The following HSD17B12 variants were observed in gnomAD, a reference collection of about 807,000 sequenced individuals.
HSD17B12 encodes the protein hydroxysteroid 17-beta dehydrogenase 12.
HSD17B12 carries 32 observed loss-of-function variants against 39.3 expected under a neutral mutation model. The observed-to-expected ratio is 0.81, with a 90% CI of 0.61 to 1.09. HSD17B12 has a LOEUF of 1.09. Among genes scored for constraint, HSD17B12 ranks in the 50% least tolerant of loss-of-function variants. HSD17B12 has a pLI of 0.00. For synonymous variants in HSD17B12, 150 were observed against 146.7 expected, an observed-to-expected ratio of 1.02 and a Z score of -0.16; for missense variants, 342 against 382.9, an observed-to-expected ratio of 0.89 and a Z score of 0.89.
the HSD17B12 span, among the ~76,000 whole-genome samples, chr11:43,619,669 G>A: frequency 2.0e-5 from 3 of 152,058 alleles, no homozygotes; most frequent in African/African-American, 7.2e-5. Flanking sequence ...TGGGATTACA[G>A]GTGTGAGCCA....
At chr11:43,589,614 G>C in the HSD17B12 span, among the ~76,000 whole-genome samples, 1 of 151,838 alleles carries the variant, frequency 6.6e-6, no homozygotes, top group East Asian at 1.9e-4. Context: ...CTTCCACTTG[G>C]TGACTTTTCC....
At chr11:43,667,026 C>T in the HSD17B12 span, among the ~76,000 whole-genome samples, 1 of 152,224 alleles carries the variant, frequency 6.6e-6, no homozygotes, top group African/African-American at 2.4e-5. Flanking sequence ...GCAACAAAGC[C>T]ACAGCTTCCA....
chr11:43,792,066 G>A (rs577469265), intron 3 of HSD17B12, among the ~76,000 whole-genome samples: 1 of 152,190 alleles, frequency 6.6e-6, no homozygotes, highest in East Asian at 1.9e-4. Flanking sequence ...TTCCCTTCTG[G>A]TACACAATCA....
At chr11:43,678,195 A>AC (rs1565044020), upstream of HSD17B12, among the ~76,000 whole-genome samples, 1 of 151,950 alleles carries the variant, frequency 6.6e-6, no homozygotes, top group Non-Finnish European at 1.5e-5. Flanking sequence ...GATGATGAGC[A>AC]TTTTTTCATG....
the HSD17B12 span, among the ~76,000 whole-genome samples, chr11:43,653,162 C>T: frequency 6.6e-6 from 1 of 152,066 alleles, no homozygotes; most frequent in Non-Finnish European, 1.5e-5. Flanking sequence ...AGGTCTAAAG[C>T]ATCCCAACAT....
At position 43,742,134 on chromosome 11, in the gene HSD17B12, TATATA is replaced by T. The variant is rs1334592500; in HGVS notation, c.161-8776_161-8772del. ...GGAAATATATATATATATATATATA[TATATA>T]TTTTTTTTTTTAAATTGAGACAGGA... On this transcript the variant is annotated intron_variant, in intron 1 of 10. Coordinates refer to ENST00000278353, the MANE Select transcript of HSD17B12 (RefSeq NM_016142.3). Among the ~76,000 whole-genome samples the T allele has an allele frequency of 7.5e-3, 866 of 115,496 alleles. 21 individuals are homozygous for T. The highest frequency in any genetic ancestry group is 0.026 in the African/African-American group (796 of 30,178). 75.8% of individuals were successfully genotyped at this position (115,496 alleles called of 152,430 possible).
the HSD17B12 span, among the ~76,000 whole-genome samples, chr11:43,557,866 C>T: frequency 5.3e-5 from 8 of 151,340 alleles, no homozygotes; most frequent in East Asian, 9.7e-4. Flanking sequence ...GGTGCTGTAA[C>T]GGGGGGGAGC....
chr11:43,632,932 T>G, the HSD17B12 span, among the ~76,000 whole-genome samples: 2 of 152,146 alleles, frequency 1.3e-5, no homozygotes, highest in Admixed American at 1.3e-4. Context: ...TTATAGTTCC[T>G]TTATTTAAAA....
At chr11:43,826,347 AGCTGGGATTACAGG>A (rs1018125072) in intron 6 of HSD17B12, among the ~76,000 whole-genome samples, 30 of 151,950 alleles carry the variant, frequency 2.0e-4, no homozygotes, top group Admixed American at 9.8e-4. Flanking sequence ...CCTCCCAAAG[AGCTGGGATTACAGG>A]CATGAGCCAC....
intron 6 of HSD17B12, among the ~76,000 whole-genome samples, chr11:43,818,972 G>A (rs760554990): frequency 5.9e-5 from 9 of 152,202 alleles, no homozygotes; most frequent in East Asian, 1.9e-4. Context: ...AATGACCAAC[G>A]TGTACTATTA....
chr11:43,654,840 G>C, the HSD17B12 span, among the ~76,000 whole-genome samples: 3 of 152,142 alleles, frequency 2.0e-5, no homozygotes, highest in Non-Finnish European at 4.4e-5. Flanking sequence ...GATACCTCCA[G>C]CTTTGTTCTT....
chr11:43,826,442 A>G (rs1306266856), intron 6 of HSD17B12, among the ~76,000 whole-genome samples: 3 of 152,082 alleles, frequency 2.0e-5, no homozygotes, highest in Admixed American at 6.5e-5. Flanking sequence ...CTTTGGAATC[A>G]TTATTAATTG....
intron 9 of HSD17B12, among the ~76,000 whole-genome samples, chr11:43,843,739 T>G (rs1590345184): frequency 6.6e-6 from 1 of 152,186 alleles, no homozygotes; most frequent in African/African-American, 2.4e-5. Flanking sequence ...TCCCCTGCCC[T>G]GGAAAGCCTT....
chr11:43,576,197 G>A, the HSD17B12 span, among the ~76,000 whole-genome samples: 1 of 152,208 alleles, frequency 6.6e-6, no homozygotes, highest in African/African-American at 2.4e-5. Context: ...GTTAACGGGA[G>A]GGAGGGAGAA....
chr11:43,610,313 T>C, the HSD17B12 span, among the ~76,000 whole-genome samples: 1 of 152,210 alleles, frequency 6.6e-6, no homozygotes, highest in Non-Finnish European at 1.5e-5. Flanking sequence ...ATGTTAGGCA[T>C]GTAATTGGTG....
At position 43,824,890 on chromosome 11, in the gene HSD17B12, G is replaced by A. The variant is rs532599235; in HGVS notation, c.502-6086G>A. On this transcript the variant is annotated intron_variant, in intron 6 of 10. Coordinates refer to ENST00000278353, the MANE Select transcript of HSD17B12 (RefSeq NM_016142.3). ...ACGTGCCTGTAATCCCAGCTACTCA[G>A]GAGGCTGAGGCAGGAGGATCACTTG... Among the ~76,000 whole-genome samples, 7 of 152,302 alleles carry A rather than the reference G, an allele frequency of 4.6e-5. No homozygotes were observed. The South Asian group carries it at 1.4e-3, about 32-fold the overall frequency.
chr11:43,702,284 T>C (rs1418042757), intron 1 of HSD17B12, among the ~76,000 whole-genome samples: 1 of 152,228 alleles, frequency 6.6e-6, no homozygotes, highest in African/African-American at 2.4e-5. Flanking sequence ...ACAAGGATAA[T>C]TTGACTTCTT....
At chr11:43,686,012 A>G (rs757078266) in intron 1 of HSD17B12, among the ~76,000 whole-genome samples, 52 of 152,242 alleles carry the variant, frequency 3.4e-4, no homozygotes, top group Non-Finnish European at 5.4e-4. Flanking sequence ...CTGGAAAGTT[A>G]CTAAGGTGCT....
the HSD17B12 span, among the ~76,000 whole-genome samples, chr11:43,635,445 G>T: frequency 6.6e-6 from 1 of 152,070 alleles, no homozygotes; most frequent in African/African-American, 2.4e-5. Flanking sequence ...TTAAATTATA[G>T]AATTGAGTTT....
Sources: allele counts gnomAD v4.1 joint callset (sites outside exome capture counted in the v4.1 genomes callset), GRCh38; gene constraint gnomAD v4.1.1; transcripts MANE v1.5; gene names NCBI Gene and HGNC (gene_info 2026-07-23, HGNC 2026-07-21).